Variants in MCF2L observed in about 807,000 individuals in gnomAD.
The protein encoded by MCF2L is MCF.2 cell line derived transforming sequence like.
A neutral mutation model predicts 153.4 loss-of-function variants in MCF2L; 97 were observed. That is an observed-to-expected ratio of 0.63 (90% CI 0.54 to 0.75). The LOEUF (loss-of-function observed/expected upper bound fraction) is 0.75, where lower values mean the gene tolerates loss of function less well. Among genes scored for constraint, MCF2L ranks in the 30% least tolerant of loss-of-function variants. MCF2L has a pLI of 0.00. For synonymous variants in MCF2L, 659 were observed against 632.2 expected (o/e 1.04, Z -0.64); for missense variants, 1,347 against 1,495.2 (o/e 0.90, Z 1.64).
At chr13:113,061,035 T>C (rs567320576) in intron 5 of MCF2L, among the ~76,000 whole-genome samples, 9 of 151,816 alleles carry the variant, frequency 5.9e-5, no homozygotes, top group South Asian at 2.1e-4. Context: ...CTTGAGACCC[T>C]AAGGGCTGAG....
At chr13:112,973,790 G>A (rs909847007) in intron 1 of MCF2L, among the ~76,000 whole-genome samples, 9 of 152,332 alleles carry the variant, frequency 5.9e-5, no homozygotes, top group East Asian at 5.8e-4. Context: ...AGGGGCTGGC[G>A]CTGAGTGACC....
intron 26 of MCF2L, among the ~76,000 whole-genome samples, chr13:113,092,484 C>T (rs1396766221): frequency 2.6e-5 from 4 of 152,232 alleles, no homozygotes; most frequent in African/African-American, 9.6e-5. Context: ...GGCGTCGAAG[C>T]CGGGCCACTG....
intron 3 of MCF2L, among the ~76,000 whole-genome samples, chr13:113,029,419 A>C (rs937232015): frequency 3.3e-5 from 5 of 152,234 alleles, no homozygotes; most frequent in Middle Eastern, 3.2e-3. Flanking sequence ...CTTCTTGAGA[A>C]GTGCAGAGTG....
chr13:113,094,347 G>A (rs1196229004), intron 26 of MCF2L, 167 bp from the exon 27 acceptor site: 3 of 580,462 alleles, frequency 5.2e-6, no homozygotes, highest in Non-Finnish European at 8.4e-6. Flanking sequence ...GAAGTTTGCA[G>A]GGGTGTCCTG....
intron 2 of MCF2L, among the ~76,000 whole-genome samples, chr13:112,928,373 C>T (rs2081429179): frequency 6.6e-6 from 1 of 152,240 alleles, no homozygotes. Flanking sequence ...CTAAGCACTG[C>T]TGTGGTCTTT....
At chr13:112,933,153 C>T (rs766724986) in intron 2 of MCF2L, among the ~76,000 whole-genome samples, 5 of 152,234 alleles carry the variant, frequency 3.3e-5, no homozygotes, top group African/African-American at 4.8e-5. Context: ...GACCCACAGC[C>T]TCCTGGAGGT....
chr13:112,960,472 T>G lies in MCF2L; in HGVS notation c.170-54291T>G, dbSNP rs187827608. Among the ~76,000 whole-genome samples, 248 of 152,148 alleles carry G rather than the reference T, an allele frequency of 1.6e-3. No individual in the cohort carries two copies. The highest frequency in any genetic ancestry group is 3.3e-3 in the Non-Finnish European group (223 of 67,986). Reference sequence around the variant, plus strand: ...CAGACTGCCTTGTCCCCTGCTCATTTTGGTTGTTGCATTGAAATGTGGGTG... The same window carrying G: ...CAGACTGCCTTGTCCCCTGCTCATTGTGGTTGTTGCATTGAAATGTGGGTG... On this transcript the variant is annotated intron_variant, in intron 2 of 29. Coordinates refer to the MCF2L transcript ENST00000375608. The surrounding 1 kb of genome is among the most constrained non-coding windows in gnomAD (Gnocchi z 4.2).
chr13:113,090,092 C>T, intron 26 of MCF2L: 1 of 1,551,542 alleles, frequency 6.4e-7, no homozygotes, highest in Non-Finnish European at 8.7e-7. Flanking sequence ...AGCTCTGCCT[C>T]AGAAAGCTCT....
At chr13:113,034,636 C>A (rs1164094697) in intron 3 of MCF2L, among the ~76,000 whole-genome samples, 1 of 151,636 alleles carries the variant, frequency 6.6e-6, no homozygotes, top group African/African-American at 2.4e-5. Flanking sequence ...CCTGGTCTCA[C>A]CCACGCCCTC....
At chr13:113,071,459 C>T (rs944608052) in intron 9 of MCF2L, among the ~76,000 whole-genome samples, 7 of 152,160 alleles carry the variant, frequency 4.6e-5, no homozygotes, top group Admixed American at 6.5e-5. Context: ...ACTTTTGGTC[C>T]TAGATTCCAA....
intron 1 of MCF2L, 51 bp from the exon 2 acceptor site, chr13:113,014,710 AGG>A: frequency 6.7e-7 from 1 of 1,501,558 alleles, no homozygotes. Context: ...GGGCGCTTGC[AGG>A]GTGAGGCAGC....
intron 1 of MCF2L, among the ~76,000 whole-genome samples, chr13:112,984,701 C>T (rs1008361405): frequency 3.9e-5 from 6 of 152,188 alleles, no homozygotes; most frequent in African/African-American, 9.7e-5. Context: ...AAAAGGAAAA[C>T]GTGTGGATCT....
intron 4 of MCF2L, among the ~76,000 whole-genome samples, chr13:113,059,161 G>A (rs1000910563): frequency 1.3e-5 from 2 of 152,212 alleles, no homozygotes; most frequent in Admixed American, 6.5e-5. Context: ...TGGGGTGCGC[G>A]ATCTAGAATT....
intron 2 of MCF2L, among the ~76,000 whole-genome samples, chr13:113,020,570 T>C (rs1187361393): frequency 6.6e-6 from 1 of 152,266 alleles, no homozygotes; most frequent in Non-Finnish European, 1.5e-5. Flanking sequence ...GCTCACTTCC[T>C]GATTTACAGA....
intron 2 of MCF2L, among the ~76,000 whole-genome samples, chr13:112,933,090 G>A (rs977850242): frequency 2.6e-5 from 4 of 152,176 alleles, no homozygotes; most frequent in Middle Eastern, 3.4e-3. Context: ...AGAAAGAAAC[G>A]AACTTAACCA....
Position 113,089,716 on chromosome 13 carries a change from G to A in MCF2L, c.2941G>A (p.Glu981Lys), listed in dbSNP as rs199888522. ...VSSAPLTKPPEKGKGWSKTSH... is the reference protein window; with the variant it reads ...VSSAPLTKPPKKGKGWSKTSH... ...CTCAGCGCCACTGACAAAGCCCCCC[G>A]AAAAGGGCAAAGGTGGGTATGTGCA... The change falls in exon 26 of 30, where the codon GAA becomes AAA. Residue 981 changes from glutamate to lysine, a missense_variant. Around this residue, in one of 3 missense-constraint regions of MCF2L, gnomAD observed 383 missense variants for 335.4 expected, o/e 1.14. Coordinates refer to ENST00000535094, the MANE Select transcript of MCF2L (RefSeq NM_001112732.3). The A allele has an allele frequency of 3.8e-5, 61 of 1,613,560 alleles. 1 individual carries two copies. In the East Asian group the frequency reaches 5.8e-4, roughly 15 times the overall value.
At chr13:113,090,194 C>T (rs1390246485) in intron 26 of MCF2L, 3 of 1,501,132 alleles carry the variant, frequency 2.0e-6, no homozygotes, top group Non-Finnish European at 2.7e-6. Flanking sequence ...CCCACCCTCA[C>T]CGTGGTGGCG....
Position 113,005,494 on chromosome 13 carries a change from G to A in MCF2L, c.80-9269G>A, listed in dbSNP as rs183346720. On this transcript the variant is annotated intron_variant, in intron 1 of 29. Coordinates refer to ENST00000535094, the MANE Select transcript of MCF2L (RefSeq NM_001112732.3). ...GTGGTGGCCGTGGCGTGTTTGTTGT[G>A]GCCATGGTTGGTTTGTGGTGGCCGT... Among the ~76,000 whole-genome samples, 532 of 152,234 alleles carry A rather than the reference G, an allele frequency of 3.5e-3. 1 individual carries two copies. The highest frequency in any genetic ancestry group is 6.8e-3 in the Middle Eastern group (2 of 294).
chr13:112,941,587 T>C lies in MCF2L; in HGVS notation c.169+39216T>C, dbSNP rs2140667658. Among the ~76,000 whole-genome samples, 1 of 152,092 alleles carries C rather than the reference T, an allele frequency of 6.6e-6. No individual in the cohort carries two copies. Among genetic ancestry groups the C allele is most frequent in the East Asian group, 1.9e-4 (1 of 5,178 alleles). The stretch of plus-strand genomic sequence containing the variant: ...GCCTTGATGTTGTCATGGAGTTTTC[T>C]GAAATTGCAAAACCTCTGGATAAAG... On this transcript the variant is annotated intron_variant, in intron 2 of 29. Coordinates refer to the MCF2L transcript ENST00000375608. The surrounding 1 kb of genome is among the most constrained non-coding windows in gnomAD (Gnocchi z 4.9).
Sources: allele counts gnomAD v4.1 joint callset (sites outside exome capture counted in the v4.1 genomes callset), GRCh38; gene constraint gnomAD v4.1.1; regional missense constraint gnomAD v4.1.1; non-coding constraint Gnocchi (gnomAD v3.1); transcripts MANE v1.5; gene names NCBI Gene and HGNC (gene_info 2026-07-23, HGNC 2026-07-21).